LIPA: variants seen among roughly 807,000 people sequenced by gnomAD.
The protein encoded by LIPA is lysosomal acid lipase/cholesteryl ester hydrolase.
Under a neutral mutation model 40.6 loss-of-function variants are expected in LIPA, and 26 were observed. That is an observed-to-expected ratio of 0.64 (90% CI 0.47 to 0.89). LIPA has a LOEUF of 0.89. LIPA is among the 40% of genes least tolerant of loss of function. The pLI is 0.00. For synonymous variants in LIPA, 188 were observed against 168.4 expected, an observed-to-expected ratio of 1.12 and a Z score of -0.90; for missense variants, 455 against 479.6, an observed-to-expected ratio of 0.95 and a Z score of 0.48.
intron 2 of LIPA, chr10:89,384,107 G>C: frequency 1.2e-6 from 2 of 1,614,162 alleles, no homozygotes; most frequent in South Asian, 1.1e-5. Flanking sequence ...CGAAGAAAAG[G>C]GTCTGTGGAT....
At chr10:89,339,754 C>T (rs754776192) in intron 1 of LIPA, 1 of 1,614,184 alleles carries the variant, frequency 6.2e-7, no homozygotes, top group Admixed American at 1.7e-5. Context: ...CTACTGCAAC[C>T]TTCAGAAATA....
intron 1 of LIPA, among the ~76,000 whole-genome samples, chr10:89,282,047 C>G (rs1843318891): frequency 6.6e-6 from 1 of 152,196 alleles, no homozygotes; most frequent in African/African-American, 2.4e-5. Context: ...ATCAACTTTA[C>G]TCTTCTCATT....
intron 1 of LIPA, among the ~76,000 whole-genome samples, chr10:89,266,232 C>A (rs573325116): frequency 2.0e-4 from 30 of 152,298 alleles, no homozygotes; most frequent in African/African-American, 7.0e-4. Context: ...TGTTTAGTTA[C>A]ACTAAACACA....
At chr10:89,396,698 AC>A (rs1184001457) in intron 2 of LIPA, among the ~76,000 whole-genome samples, 1 of 152,248 alleles carries the variant, frequency 6.6e-6, no homozygotes, top group African/African-American at 2.4e-5. Flanking sequence ...GGACAATCAA[AC>A]TGTATCCAAA....
rs1301990662 is a variant in LIPA at position 89,222,517 on chromosome 10, C to G, written c.888G>C (p.Trp296Cys). Residue 296 changes from tryptophan to cysteine, a missense_variant, in exon 8 of 10, where the codon TGG (tryptophan) becomes TGC (cysteine). Coordinates refer to ENST00000336233, the MANE Select transcript of LIPA (RefSeq NM_000235.4). ...AGTSVQNMLH[W>C]SQAVKFQKFQ... Reference sequence around the variant, plus strand: ...GCACTCCTGGAATGCCTACCTGGCTCCAGTGTAACATGTTTTGCACAGAAG... The same window carrying G: ...GCACTCCTGGAATGCCTACCTGGCTGCAGTGTAACATGTTTTGCACAGAAG... 4 of 1,606,304 alleles carry G rather than the reference C, an allele frequency of 2.5e-6. No homozygotes were observed. In the Admixed American group the frequency reaches 6.7e-5, roughly 27 times the overall value.
At chr10:89,413,483 G>T (rs1841494237) in intron 1 of LIPA, among the ~76,000 whole-genome samples, 1 of 152,184 alleles carries the variant, frequency 6.6e-6, no homozygotes, top group East Asian at 1.9e-4. Context: ...AGTGGCTCAT[G>T]CCTGTAATCC....
At chr10:89,378,862 T>C (rs1000633006) in intron 2 of LIPA, among the ~76,000 whole-genome samples, 2 of 152,192 alleles carry the variant, frequency 1.3e-5, no homozygotes, top group African/African-American at 4.8e-5. Flanking sequence ...CAATCTTATT[T>C]CCAAAGATGT....
At chr10:89,343,403 G>T (rs1284942894), upstream of LIPA, among the ~76,000 whole-genome samples, 2 of 152,178 alleles carry the variant, frequency 1.3e-5, no homozygotes, top group Non-Finnish European at 2.9e-5. Flanking sequence ...AATGAGAAGG[G>T]AGAAGGGAGA....
Position 89,214,927 on chromosome 10 carries a change from C to T in LIPA, c.1101G>A (p.Glu367=). The change falls in exon 10 of 10, where the codon GAG becomes GAA. Residue 367 remains glutamate, a synonymous_variant. Transcript: ENST00000336233. The part of the protein sequence containing the change: ...LTQITNLVFH[E]SIPEWEHLDF... ...CAAGATGCTCCCATTCCGGAATGCT[C>T]TCATGGAACACCAAGTTGGTGATCT... 6.2e-7 allele frequency: 1 copy of T among 1,614,072 alleles called. No homozygotes were observed. The highest frequency in any genetic ancestry group is 8.5e-7 in the Non-Finnish European group (1 of 1,179,964).
chr10:89,375,264 G>C (rs1347919329), intron 2 of LIPA, among the ~76,000 whole-genome samples: 4 of 152,224 alleles, frequency 2.6e-5, no homozygotes, highest in Admixed American at 2.6e-4. Flanking sequence ...CACATGTCCA[G>C]TAAGCAGCAA....
intron 3 of LIPA, among the ~76,000 whole-genome samples, chr10:89,237,462 A>G (rs1270143336): frequency 8.2e-6 from 1 of 122,318 alleles, no homozygotes; most frequent in Non-Finnish European, 1.6e-5. Flanking sequence ...ACAAAAAAAA[A>G]TATATATATA....
intron 2 of LIPA, among the ~76,000 whole-genome samples, chr10:89,398,676 A>G (rs908815541): frequency 6.6e-6 from 1 of 152,142 alleles, no homozygotes; most frequent in South Asian, 2.1e-4. Context: ...AATACCTTCA[A>G]AGTTTATCCA....
intron 2 of LIPA, chr10:89,377,986 C>T (rs1386265725): frequency 7.5e-6 from 5 of 668,428 alleles, no homozygotes; most frequent in Non-Finnish European, 1.3e-5. Flanking sequence ...ATTCACTAGG[C>T]ATCAAGGGTG....
intron 2 of LIPA, chr10:89,362,773 A>G: frequency 1.5e-6 from 1 of 685,114 alleles, no homozygotes; most frequent in Non-Finnish European, 2.3e-6. Flanking sequence ...GGAGGAAAGA[A>G]TTATGAACAG....
chr10:89,354,761 T>A (rs1314119159), intron 2 of LIPA, among the ~76,000 whole-genome samples: 1 of 152,084 alleles, frequency 6.6e-6, no homozygotes, highest in African/African-American at 2.4e-5. Context: ...AGACATGGGG[T>A]TTCACCGTCT....
chr10:89,310,214 C>G (rs1180065394), intron 1 of LIPA, among the ~76,000 whole-genome samples: 1 of 152,078 alleles, frequency 6.6e-6, no homozygotes, highest in Non-Finnish European at 1.5e-5. Context: ...CCTCAGAGTC[C>G]TCAGTGAAAA....
chr10:89,317,978 G>A (rs889746714), intron 1 of LIPA, among the ~76,000 whole-genome samples: 2 of 152,134 alleles, frequency 1.3e-5, no homozygotes, highest in African/African-American at 2.4e-5. Flanking sequence ...AGCTTCATAA[G>A]TGAAGGAGAA....
intron 3 of LIPA, among the ~76,000 whole-genome samples, chr10:89,243,906 A>G (rs1415490438): frequency 2.6e-5 from 4 of 152,232 alleles, no homozygotes; most frequent in African/African-American, 9.6e-5. Flanking sequence ...TTAATCAACT[A>G]TAATTTTAAG....
At chr10:89,388,718 A>T (rs1844225310) in intron 2 of LIPA, among the ~76,000 whole-genome samples, 1 of 151,900 alleles carries the variant, frequency 6.6e-6, no homozygotes, top group Non-Finnish European at 1.5e-5. Context: ...CTATTTGGGG[A>T]ATTTGGATGA....
Sources: gnomAD v4.1 joint callset for allele counts (sites outside exome capture counted in the v4.1 genomes callset) on GRCh38, gnomAD v4.1.1 for gene constraint, MANE v1.5 for transcripts, NCBI Gene and HGNC (gene_info 2026-07-23, HGNC 2026-07-21) for gene names.